GALNTL6: variants seen among roughly 807,000 people sequenced by gnomAD.
GALNTL6 encodes polypeptide N-acetylgalactosaminyltransferase-like 6.
A neutral mutation model predicts 73.7 loss-of-function variants in GALNTL6; 46 were observed. The observed-to-expected ratio is 0.62, with a 90% CI of 0.49 to 0.80. The LOEUF is 0.80. Ranked by LOEUF, GALNTL6 falls within the 30% of genes least tolerant of loss-of-function variation. The pLI, the probability that GALNTL6 is intolerant of heterozygous loss-of-function variation, is 0.00. For synonymous variants in GALNTL6, 259 were observed against 263.7 expected (o/e 0.98, Z 0.17); for missense variants, 604 against 755.0 (o/e 0.80, Z 2.34).
chr4:172,309,566 G>T (rs1740276635), intron 3 of GALNTL6, among the ~76,000 whole-genome samples: 1 of 151,902 alleles, frequency 6.6e-6, no homozygotes. Flanking sequence ...GCTTAATTCT[G>T]TAATACTTAA....
At chr4:172,138,364 A>T (rs28666601) in intron 2 of GALNTL6, among the ~76,000 whole-genome samples, 63,805 of 143,188 alleles carry the variant, frequency 0.45, 14,818 homozygotes, top group African/African-American at 0.56. Flanking sequence ...TGTCCTTTGC[A>T]TTTCGTTTTA....
At chr4:171,962,586 A>T (rs60058914) in intron 2 of GALNTL6, among the ~76,000 whole-genome samples, 5,656 of 152,108 alleles carry the variant, frequency 0.037, 298 homozygotes, top group African/African-American at 0.11. Flanking sequence ...AAAGGGGAGG[A>T]ACCCACAGTT....
At chr4:172,372,890 T>C (rs1173771758) in intron 5 of GALNTL6, among the ~76,000 whole-genome samples, 1 of 152,202 alleles carries the variant, frequency 6.6e-6, no homozygotes, top group Non-Finnish European at 1.5e-5. Flanking sequence ...TAAGCCAGTA[T>C]AGGCTGTATT....
intron 2 of GALNTL6, among the ~76,000 whole-genome samples, chr4:172,211,067 G>A (rs1303313903): frequency 6.6e-6 from 1 of 152,094 alleles, no homozygotes; most frequent in Non-Finnish European, 1.5e-5. Flanking sequence ...TTAGGTATTG[G>A]TGTTGTTTTT....
intron 5 of GALNTL6, among the ~76,000 whole-genome samples, chr4:172,717,437 A>T (rs542236545): frequency 6.6e-6 from 1 of 152,352 alleles, no homozygotes; most frequent in East Asian, 1.9e-4. Flanking sequence ...AGTCCACATG[A>T]ACTATAGCAT....
intron 5 of GALNTL6, among the ~76,000 whole-genome samples, chr4:172,380,967 G>C (rs547451937): frequency 7.9e-5 from 12 of 152,144 alleles, no homozygotes; most frequent in Non-Finnish European, 1.5e-4. Context: ...TGATAAATCT[G>C]AATGTTATTT....
intron 2 of GALNTL6, among the ~76,000 whole-genome samples, chr4:172,153,739 C>A (rs539978502): frequency 6.6e-6 from 1 of 152,278 alleles, no homozygotes; most frequent in South Asian, 2.1e-4. Context: ...TTGTACAATA[C>A]AAAACGTATG....
At chr4:172,140,847 G>C (rs1733780568) in intron 2 of GALNTL6, among the ~76,000 whole-genome samples, 1 of 151,972 alleles carries the variant, frequency 6.6e-6, no homozygotes, top group Admixed American at 6.6e-5. Context: ...TTTCTATCAA[G>C]TATCATTGGC....
At chr4:172,804,489 T>A (rs1303691432) in intron 5 of GALNTL6, among the ~76,000 whole-genome samples, 1 of 152,198 alleles carries the variant, frequency 6.6e-6, no homozygotes, top group East Asian at 1.9e-4. Context: ...TGGCCCCTCT[T>A]GCTCTCTCCT....
chr4:171,818,161 T>C (rs1734571489), intron 2 of GALNTL6, among the ~76,000 whole-genome samples: 1 of 151,836 alleles, frequency 6.6e-6, no homozygotes, highest in South Asian at 2.1e-4. Flanking sequence ...TTGTTTCAGC[T>C]GTATTTGCAT....
intron 5 of GALNTL6, among the ~76,000 whole-genome samples, chr4:172,777,957 C>T (rs911441795): frequency 2.0e-5 from 3 of 152,194 alleles, no homozygotes; most frequent in African/African-American, 7.2e-5. Context: ...TAGGTTGTGG[C>T]AATGACAAGA....
At chr4:172,221,613 A>G (rs1174747892) in intron 2 of GALNTL6, among the ~76,000 whole-genome samples, 2 of 151,618 alleles carry the variant, frequency 1.3e-5, no homozygotes, top group Non-Finnish European at 1.5e-5. Context: ...ATACTTTGAG[A>G]AAAAAAAGTT....
intron 8 of GALNTL6, among the ~76,000 whole-genome samples, chr4:172,913,519 A>C (rs1273582095): frequency 1.3e-5 from 2 of 152,224 alleles, no homozygotes; most frequent in Non-Finnish European, 1.5e-5. Context: ...ATGGCTAACT[A>C]GAATAAACAG....
intron 5 of GALNTL6, among the ~76,000 whole-genome samples, chr4:172,481,113 G>A (rs1418095058): frequency 1.3e-5 from 2 of 152,142 alleles, no homozygotes; most frequent in Admixed American, 1.3e-4. Flanking sequence ...TCTGATGTTT[G>A]GACGTGTTCG....
intron 5 of GALNTL6, among the ~76,000 whole-genome samples, chr4:172,575,008 A>G (rs1736908199): frequency 6.6e-6 from 1 of 152,066 alleles, no homozygotes; most frequent in African/African-American, 2.4e-5. Context: ...GGTACCCATA[A>G]GAGGACAGGA....
chr4:172,347,995 A>T (rs1231938494), intron 4 of GALNTL6, among the ~76,000 whole-genome samples: 1 of 152,160 alleles, frequency 6.6e-6, no homozygotes, highest in African/African-American at 2.4e-5. Flanking sequence ...CTCAGTTAAC[A>T]GTTATTTTAA....
In GALNTL6 at chr4:172,767,607, C is replaced by T. The variant is rs1002890111; in HGVS notation, c.554-41754C>T. Among the ~76,000 whole-genome samples, 17 of 151,114 alleles carry T rather than the reference C, an allele frequency of 1.1e-4. No individual in the cohort carries two copies. In the East Asian group the frequency reaches 1.6e-3, roughly 14 times the overall value. ...TAAAACTAGAAATGTATAACATTCC[C>T]GTGAAGAAGAAAATAATTCTAGGGT... is the stretch of plus-strand genomic sequence containing the variant. On this transcript the variant is annotated intron_variant, in intron 5 of 12. Transcript: ENST00000506823.
At chr4:172,912,612 C>T (rs1043259367) in intron 8 of GALNTL6, among the ~76,000 whole-genome samples, 8 of 152,262 alleles carry the variant, frequency 5.3e-5, no homozygotes, top group Admixed American at 4.6e-4. Context: ...GAGCCTTGCT[C>T]ACTGCTAGCA....
chr4:172,162,166 G>T (rs1734490862), intron 2 of GALNTL6, among the ~76,000 whole-genome samples: 1 of 151,794 alleles, frequency 6.6e-6, no homozygotes, highest in Non-Finnish European at 1.5e-5. Flanking sequence ...TCAGAGAGTG[G>T]TGTTAGAATT....
Sources: gnomAD v4.1 joint callset for allele counts (sites outside exome capture counted in the v4.1 genomes callset) on GRCh38, gnomAD v4.1.1 for gene constraint, MANE v1.5 for transcripts, NCBI Gene and HGNC (gene_info 2026-07-23, HGNC 2026-07-21) for gene names.